The following TMCO4 variants were observed in gnomAD, a reference collection of about 807,000 sequenced individuals.
TMCO4 encodes transmembrane and coiled-coil domain-containing protein 4.
A neutral mutation model predicts 64.7 loss-of-function variants in TMCO4; 58 were observed. The ratio of observed to expected loss-of-function variants is 0.90; its 90% CI spans 0.73 to 1.12. The LOEUF is 1.12. Among genes scored for constraint, TMCO4 ranks in the 50% most tolerant of loss-of-function variants. TMCO4 has a pLI of 0.00. For missense variants in TMCO4, 780 were observed against 825.9 expected (o/e 0.94, Z 0.68); for synonymous variants, 325 against 346.1 (o/e 0.94, Z 0.68).
At chr1:19,725,037 G>A (rs897365507) in intron 13 of TMCO4, among the ~76,000 whole-genome samples, 18 of 152,166 alleles carry the variant, frequency 1.2e-4, no homozygotes, top group Non-Finnish European at 1.3e-4. Context: ...TGGGATTACA[G>A]GTGTGAGTGC....
intron 6 of TMCO4, among the ~76,000 whole-genome samples, chr1:19,765,215 G>C (rs1266449): frequency 0.12 from 17,995 of 152,054 alleles, 1,269 homozygotes; most frequent in East Asian, 0.27. Context: ...ATGTAATCCT[G>C]GGCTACTCAC....
intron 6 of TMCO4, among the ~76,000 whole-genome samples, chr1:19,760,733 C>T (rs925301086): frequency 6.6e-6 from 1 of 152,246 alleles, no homozygotes; most frequent in African/African-American, 2.4e-5. Flanking sequence ...TTTATTTTGT[C>T]TCCTCTTCTT....
rs530496994 is a variant in TMCO4, at chr1:19,731,873, G to A, written c.1264+5499C>T. 7.2e-5 allele frequency among the ~76,000 whole-genome samples: 11 copies of A among 152,276 alleles called. 1 individual carries two copies. The East Asian group carries it at 1.9e-3, about 27-fold the overall frequency. On this transcript the variant is annotated intron_variant, in intron 13 of 15. Coordinates refer to ENST00000294543, the MANE Select transcript of TMCO4 (RefSeq NM_181719.7). ...GGACCTTTCTGTTCCCCTCTGCAGT[G>A]GGTGATCTTTTGTTTCCAACTCCCC...
intron 2 of TMCO4, among the ~76,000 whole-genome samples, chr1:19,790,852 T>C (rs915687190): frequency 1.3e-5 from 2 of 152,222 alleles, no homozygotes; most frequent in African/African-American, 4.8e-5. Flanking sequence ...CAAAGATACC[T>C]GCACGTGTAT....
intron 12 of TMCO4, 124 bp downstream of exon 12, chr1:19,739,700 A>C: frequency 4.6e-5 from 65 of 1,418,140 alleles, no homozygotes; most frequent in Non-Finnish European, 5.7e-5. Context: ...AGGACTGCCC[A>C]CACCCCCAAA....
At chr1:19,707,707 A>T (rs2095309568) in intron 13 of TMCO4, among the ~76,000 whole-genome samples, 1 of 152,224 alleles carries the variant, frequency 6.6e-6, no homozygotes, top group African/African-American at 2.4e-5. Flanking sequence ...CGGTTGTATT[A>T]GTCCATTTTC....
rs529485739 is a variant in TMCO4 at position 19,701,080 on chromosome 1, A to C, written c.1265-195T>G. ...TGCATGGATAGGCATGGAGGCTTCT[A>C]CCTACTGAGTTCCAGAACCTGAATC... On this transcript the variant is annotated intron_variant, in intron 13 of 15. Coordinates refer to ENST00000294543, the MANE Select transcript of TMCO4 (RefSeq NM_181719.7). 34 of 524,138 alleles carry C rather than the reference A, an allele frequency of 6.5e-5. No individual in the cohort carries two copies. In the African/African-American group the frequency reaches 6.7e-4, roughly 10 times the overall value. The allele number at this position is 524,138 out of a possible 1,614,324, so 32.5% of individuals were successfully genotyped here.
chr1:19,684,077 T>C (rs2095127627), intron 15 of TMCO4, among the ~76,000 whole-genome samples: 1 of 148,486 alleles, frequency 6.7e-6, no homozygotes, highest in Non-Finnish European at 1.5e-5. Context: ...TTTTTTTTTT[T>C]TTTTTTTTTT....
At chr1:19,786,822 T>C (rs1218417241) in intron 3 of TMCO4, among the ~76,000 whole-genome samples, 1 of 152,176 alleles carries the variant, frequency 6.6e-6, no homozygotes, top group Non-Finnish European at 1.5e-5. Flanking sequence ...AAAACATAAA[T>C]GAATATTGAC....
intron 15 of TMCO4, among the ~76,000 whole-genome samples, chr1:19,690,166 T>C (rs2095180910): frequency 6.6e-6 from 1 of 152,224 alleles, no homozygotes; most frequent in Non-Finnish European, 1.5e-5. Flanking sequence ...CTCCTCGCCT[T>C]GCTCACTCTT....
intron 10 of TMCO4, among the ~76,000 whole-genome samples, chr1:19,744,050 C>T (rs1323654573): frequency 3.3e-5 from 5 of 152,226 alleles, no homozygotes; most frequent in Non-Finnish European, 7.3e-5. Flanking sequence ...ATGTTTCTCA[C>T]TGGCTTTCTT....
chr1:19,735,369 C>T (rs1002103), intron 13 of TMCO4, among the ~76,000 whole-genome samples: 15,674 of 152,186 alleles, frequency 0.1, 1,067 homozygotes, highest in East Asian at 0.32. Context: ...GACAGCCAGT[C>T]AGTGGCAAAG....
At chr1:19,729,084 C>T (rs574542268) in intron 13 of TMCO4, among the ~76,000 whole-genome samples, 17 of 152,198 alleles carry the variant, frequency 1.1e-4, no homozygotes, top group African/African-American at 3.6e-4. Context: ...TTACTAGGTA[C>T]AAGTAGTCAG....
intron 4 of TMCO4, among the ~76,000 whole-genome samples, chr1:19,772,966 G>A (rs936348516): frequency 2.0e-5 from 3 of 152,188 alleles, no homozygotes; most frequent in African/African-American, 7.2e-5. Flanking sequence ...GGGCTGGGTG[G>A]ATCACCTGAG....
At chr1:19,727,974 C>T (rs1032907701) in intron 13 of TMCO4, among the ~76,000 whole-genome samples, 2 of 152,144 alleles carry the variant, frequency 1.3e-5, no homozygotes, top group African/African-American at 2.4e-5. Context: ...AAATACCATA[C>T]GTTCTCATTT....
intron 2 of TMCO4, among the ~76,000 whole-genome samples, chr1:19,794,887 A>G (rs533801083): frequency 1.3e-5 from 2 of 152,358 alleles, no homozygotes; most frequent in South Asian, 4.1e-4. Flanking sequence ...AGCCAGTCAC[A>G]AAAAGATAAA....
intron 6 of TMCO4, among the ~76,000 whole-genome samples, chr1:19,766,715 C>T (rs929973480): frequency 6.6e-6 from 1 of 152,228 alleles, no homozygotes; most frequent in African/African-American, 2.4e-5. Flanking sequence ...GGCACAGAGA[C>T]ATTCAGTAAC....
chr1:19,745,141 T>C (rs1266440), intron 10 of TMCO4, among the ~76,000 whole-genome samples: 1,664 of 151,268 alleles, frequency 0.011, 33 homozygotes, highest in African/African-American at 0.038. Context: ...GATGGATGCA[T>C]GGGTTCATGG....
rs551667459 is a variant in TMCO4, at chr1:19,756,086, C to A, written c.383-320G>T. ...ACACAGTGAGACCCCCTCACCTCTA[C>A]AAAAAAATACAAAACTTAGCCAGGC... is the stretch of plus-strand genomic sequence containing the variant. On this transcript the variant is annotated intron_variant, in intron 6 of 15. Coordinates refer to ENST00000294543, the MANE Select transcript of TMCO4 (RefSeq NM_181719.7). Among the ~76,000 whole-genome samples, 3 of 151,832 alleles carry A rather than the reference C, an allele frequency of 2.0e-5. No homozygotes were observed. The South Asian group carries it at 6.2e-4, about 32-fold the overall frequency.
Sources: allele counts gnomAD v4.1 joint callset (sites outside exome capture counted in the v4.1 genomes callset), GRCh38; gene constraint gnomAD v4.1.1; transcripts MANE v1.5; gene names NCBI Gene and HGNC (gene_info 2026-07-23, HGNC 2026-07-21).